The following RBFOX1 variants were observed in gnomAD, a reference collection of about 807,000 sequenced individuals.
RBFOX1 encodes RNA binding fox-1 homolog 1.
RBFOX1 carries 8 observed loss-of-function variants against 57.7 expected under a neutral mutation model. That is an observed-to-expected ratio of 0.14 (90% CI 0.08 to 0.25). The LOEUF is 0.25. RBFOX1 is among the 10% of genes least tolerant of loss of function. The pLI, the probability that RBFOX1 is intolerant of heterozygous loss-of-function variation, is 1.00. For synonymous variants in RBFOX1, 326 were observed against 222.4 expected, an observed-to-expected ratio of 1.47 and a Z score of -4.15; for missense variants, 611 against 548.5, an observed-to-expected ratio of 1.11 and a Z score of -1.14.
At chr16:6,021,481 C>T (rs2095075622) in intron 1 of RBFOX1, among the ~76,000 whole-genome samples, 1 of 152,138 alleles carries the variant, frequency 6.6e-6, no homozygotes, top group Non-Finnish European at 1.5e-5. Flanking sequence ...GGACCTGGGG[C>T]CTGTGAAGGG....
intron 4 of RBFOX1, among the ~76,000 whole-genome samples, chr16:5,943,246 C>G (rs1366886028): frequency 6.6e-6 from 1 of 152,164 alleles, no homozygotes; most frequent in African/African-American, 2.4e-5. Flanking sequence ...TGCAGTTTTC[C>G]CAGCCCATCA....
intron 3 of RBFOX1, among the ~76,000 whole-genome samples, chr16:7,039,255 A>T (rs2045438587): frequency 1.3e-5 from 2 of 152,144 alleles, no homozygotes; most frequent in Admixed American, 1.3e-4. Flanking sequence ...ATCCATTATT[A>T]TTTTTTCTAC....
At chr16:6,042,720 T>G (rs1596622925) in intron 1 of RBFOX1, among the ~76,000 whole-genome samples, 2 of 152,112 alleles carry the variant, frequency 1.3e-5, no homozygotes, top group Admixed American at 1.3e-4. Context: ...TTTGGTTTTG[T>G]ACGTTTTAGG....
At chr16:5,475,713 G>T (rs2069297511) in intron 2 of RBFOX1, among the ~76,000 whole-genome samples, 1 of 152,240 alleles carries the variant, frequency 6.6e-6, no homozygotes. Flanking sequence ...TGGTGAAGGT[G>T]AGTCTTTGAG....
intron 2 of RBFOX1, among the ~76,000 whole-genome samples, chr16:6,365,589 A>G (rs12444572): frequency 0.65 from 99,331 of 152,064 alleles, 33,832 homozygotes; most frequent in African/African-American, 0.85. Context: ...TGGGGTGCTG[A>G]CATATGCTAT....
At chr16:5,695,614 T>C (rs894684959) in intron 3 of RBFOX1, among the ~76,000 whole-genome samples, 3 of 152,206 alleles carry the variant, frequency 2.0e-5, no homozygotes, top group African/African-American at 4.8e-5. Context: ...CCTTATGTGA[T>C]GCAATCATCG....
chr16:7,132,604 C>G (rs1184144190), intron 4 of RBFOX1, among the ~76,000 whole-genome samples: 1 of 146,332 alleles, frequency 6.8e-6, no homozygotes, highest in African/African-American at 2.7e-5. Context: ...ATTTGTAAAG[C>G]TGAAAAAAAA....
chr16:5,730,029 C>G (rs1393576223), intron 3 of RBFOX1, among the ~76,000 whole-genome samples: 1 of 152,200 alleles, frequency 6.6e-6, no homozygotes, highest in South Asian at 2.1e-4. Flanking sequence ...CTGCCTTCAT[C>G]TAGACTCAAT....
intron 3 of RBFOX1, among the ~76,000 whole-genome samples, chr16:5,685,846 A>G (rs2050488793): frequency 6.6e-6 from 1 of 152,194 alleles, no homozygotes; most frequent in Non-Finnish European, 1.5e-5. Flanking sequence ...TTTCACCTTT[A>G]ATTATGTGAC....
intron 4 of RBFOX1, among the ~76,000 whole-genome samples, chr16:7,211,088 A>G (rs2091032601): frequency 2.8e-5 from 1 of 35,192 alleles, no homozygotes. Flanking sequence ...ATACACTTAA[A>G]AAAAAAAAAA....
intron 1 of RBFOX1, among the ~76,000 whole-genome samples, chr16:6,294,051 A>G (rs1386578957): frequency 6.6e-6 from 1 of 152,188 alleles, no homozygotes; most frequent in African/African-American, 2.4e-5. Context: ...GTGTGGTGGT[A>G]TGAACCTGGA....
At chr16:6,258,376 T>A (rs1041685503) in intron 1 of RBFOX1, among the ~76,000 whole-genome samples, 6 of 152,192 alleles carry the variant, frequency 3.9e-5, no homozygotes, top group Non-Finnish European at 5.9e-5. Flanking sequence ...TCAAGTTCAT[T>A]GTGTTTCTAA....
At chr16:5,358,620 T>C (rs1477144665) in intron 1 of RBFOX1, among the ~76,000 whole-genome samples, 1 of 152,174 alleles carries the variant, frequency 6.6e-6, no homozygotes, top group Non-Finnish European at 1.5e-5. Context: ...GGTCAGGAGT[T>C]TGAGACCAGC....
At chr16:6,912,176 A>G (rs542231865) in intron 3 of RBFOX1, among the ~76,000 whole-genome samples, 1 of 152,348 alleles carries the variant, frequency 6.6e-6, no homozygotes, top group South Asian at 2.1e-4. Flanking sequence ...GAGGTAAATA[A>G]TCTGAAACTT....
intron 4 of RBFOX1, among the ~76,000 whole-genome samples, chr16:7,400,588 A>G (rs4786152): frequency 0.79 from 120,160 of 152,118 alleles, 47,602 homozygotes; most frequent in Admixed American, 0.82. Context: ...TCCCAGCAAG[A>G]AGAAATTTGG....
chr16:6,607,120 G>A (rs1479169611), intron 2 of RBFOX1, among the ~76,000 whole-genome samples: 1 of 152,158 alleles, frequency 6.6e-6, no homozygotes, highest in Non-Finnish European at 1.5e-5. Flanking sequence ...GTCCCTGAGA[G>A]TGGAAGTCAG....
At position 6,600,311 on chromosome 16, in the gene RBFOX1, C is replaced by T. The variant is rs185518789; in HGVS notation, c.-63-54292C>T. ...GTTCTCTCTCCTCCCCCATTTCCCT[C>T]CTGCCCAGCATTGAGCTCCAGCTGA... On this transcript the variant is annotated intron_variant, in intron 2 of 15. Coordinates refer to ENST00000550418, the MANE Select transcript of RBFOX1 (RefSeq NM_018723.4). 3.6e-3 allele frequency among the ~76,000 whole-genome samples: 552 copies of T among 152,298 alleles called. 8 individuals carry two copies. The highest frequency in any genetic ancestry group is 0.013 in the African/African-American group (520 of 41,560).
chr16:5,719,508 A>T (rs1230475305), intron 3 of RBFOX1, among the ~76,000 whole-genome samples: 1 of 151,460 alleles, frequency 6.6e-6, no homozygotes, highest in Non-Finnish European at 1.5e-5. Context: ...CTGCCCTAGA[A>T]TTTTTTTTAT....
intron 2 of RBFOX1, 51 bp downstream of exon 2, chr16:6,317,108 T>TATG: frequency 6.8e-7 from 1 of 1,469,698 alleles, no homozygotes; most frequent in Non-Finnish European, 9.2e-7. Flanking sequence ...TCCATGTCTT[T>TATG]GATCCTGTTC....
Sources: gnomAD v4.1 joint callset for allele counts (sites outside exome capture counted in the v4.1 genomes callset) on GRCh38, gnomAD v4.1.1 for gene constraint, MANE v1.5 for transcripts, NCBI Gene and HGNC (gene_info 2026-07-23, HGNC 2026-07-21) for gene names.